FER: variants seen among roughly 807,000 people sequenced by gnomAD.
The protein encoded by FER is FER tyrosine kinase.
FER carries 63 observed loss-of-function variants against 111.0 expected under a neutral mutation model. The observed-to-expected ratio is 0.57, with a 90% confidence interval of 0.46 to 0.70. The LOEUF (loss-of-function observed/expected upper bound fraction) is 0.70, where lower values mean the gene tolerates loss of function less well. FER is among the 30% of genes least tolerant of loss of function. The pLI is 0.00. For missense variants in FER, 914 were observed against 954.0 expected (o/e 0.96, Z 0.55); for synonymous variants, 327 against 313.9 (o/e 1.04, Z -0.44).
chr5:108,868,532 A>C (rs1764299743), intron 6 of FER, among the ~76,000 whole-genome samples: 1 of 152,154 alleles, frequency 6.6e-6, no homozygotes, highest in African/African-American at 2.4e-5. Flanking sequence ...AGAAAAAATA[A>C]GTCATCCTTT....
intron 16 of FER, among the ~76,000 whole-genome samples, chr5:109,088,795 A>G (rs1267677479): frequency 6.6e-6 from 1 of 152,166 alleles, no homozygotes; most frequent in East Asian, 1.9e-4. Flanking sequence ...GTCAGCCAGT[A>G]TCATTCAAGG....
At chr5:109,117,439 C>T (rs1295716911) in intron 17 of FER, among the ~76,000 whole-genome samples, 1 of 152,024 alleles carries the variant, frequency 6.6e-6, no homozygotes, top group South Asian at 2.1e-4. Context: ...TTGTGATAAA[C>T]TCATATCATT....
chr5:108,970,453 C>G (rs1258159211), intron 13 of FER, among the ~76,000 whole-genome samples: 1 of 152,036 alleles, frequency 6.6e-6, no homozygotes, highest in African/African-American at 2.4e-5. Flanking sequence ...ATCTCCTGAC[C>G]TCATGATCCA....
chr5:108,845,016 A>ATATATACG (rs1761796247), intron 5 of FER, among the ~76,000 whole-genome samples: 3 of 52,754 alleles, frequency 5.7e-5, no homozygotes, highest in Non-Finnish European at 1.1e-4. Flanking sequence ...ATATATATAT[A>ATATATACG]TATATATATA....
chr5:108,865,422 C>G (rs942147277), intron 5 of FER, among the ~76,000 whole-genome samples: 1 of 152,062 alleles, frequency 6.6e-6, no homozygotes, highest in African/African-American at 2.4e-5. Context: ...ACACCTTATA[C>G]AAAAATTAAT....
intron 9 of FER, among the ~76,000 whole-genome samples, chr5:108,892,913 A>C (rs576789884): frequency 1.3e-5 from 2 of 152,292 alleles, no homozygotes; most frequent in African/African-American, 4.8e-5. Context: ...AGCACCATTT[A>C]TTAAATAGGG....
intron 1 of FER, among the ~76,000 whole-genome samples, chr5:108,759,420 A>G (rs767115913): frequency 2.0e-5 from 3 of 152,236 alleles, no homozygotes; most frequent in Non-Finnish European, 4.4e-5. Context: ...CAGAACTGTT[A>G]TAGCTTCTAC....
intron 16 of FER, among the ~76,000 whole-genome samples, chr5:109,048,381 T>A (rs1772294165): frequency 6.6e-6 from 1 of 152,162 alleles, no homozygotes; most frequent in Admixed American, 6.5e-5. Flanking sequence ...TAAAAATACA[T>A]ATTAACATTT....
At chr5:109,150,446 T>TC (rs1050881755) in intron 17 of FER, among the ~76,000 whole-genome samples, 1 of 152,104 alleles carries the variant, frequency 6.6e-6, no homozygotes, top group Non-Finnish European at 1.5e-5. Flanking sequence ...TTGTTTAGCT[T>TC]CCCCTTTTAT....
intron 1 of FER, among the ~76,000 whole-genome samples, chr5:108,754,406 CAAAAAAAAAAAAA>C (rs34475850): frequency 1.2e-5 from 1 of 86,536 alleles, no homozygotes; most frequent in Non-Finnish European, 2.3e-5. Flanking sequence ...GTCCCTGTCT[CAAAAAAAAAAAAA>C]AAAAAAAAAA....
chr5:108,888,049 A>G (rs1747439931), intron 9 of FER, among the ~76,000 whole-genome samples: 2 of 151,950 alleles, frequency 1.3e-5, no homozygotes, highest in Non-Finnish European at 2.9e-5. Flanking sequence ...CATTTGATTT[A>G]GCCTCACTGC....
chr5:109,151,570 A>G lies in FER; in HGVS notation c.2049-29177A>G, dbSNP rs189469213. ...AATTAGGGCATTTGCTGTAGTAGAA[A>G]TTACTGGAGAACTTGACTCCAGAAG... On this transcript the variant is annotated intron_variant, in intron 17 of 19. Transcript: ENST00000281092. 1.8e-3 allele frequency among the ~76,000 whole-genome samples: 280 copies of G among 152,254 alleles called. 1 individual carries two copies. The highest frequency in any genetic ancestry group is 3.1e-3 in the Non-Finnish European group (210 of 67,968).
At chr5:108,874,089 T>A (rs534321497) in intron 8 of FER, among the ~76,000 whole-genome samples, 54 of 152,352 alleles carry the variant, frequency 3.5e-4, no homozygotes, top group Admixed American at 6.5e-4. Context: ...TATCTAAGGT[T>A]GTAAGGGTTA....
intron 9 of FER, among the ~76,000 whole-genome samples, chr5:108,895,328 C>T (rs1748915063): frequency 6.6e-6 from 1 of 152,126 alleles, no homozygotes; most frequent in African/African-American, 2.4e-5. Flanking sequence ...GCTGCTGTAG[C>T]AAATTGCCAC....
intron 5 of FER, among the ~76,000 whole-genome samples, chr5:108,836,488 C>A (rs1372959912): frequency 6.6e-6 from 1 of 152,074 alleles, no homozygotes; most frequent in Non-Finnish European, 1.5e-5. Flanking sequence ...CTAAACCACT[C>A]ATATTTATAC....
chr5:109,003,758 T>C (rs1765133737), intron 13 of FER, among the ~76,000 whole-genome samples: 1 of 152,078 alleles, frequency 6.6e-6, no homozygotes, highest in African/African-American at 2.4e-5. Flanking sequence ...GGTGGGAGAA[T>C]TGCTTGGACC....
chr5:108,911,188 T>C (rs1416135989), intron 10 of FER, among the ~76,000 whole-genome samples: 3 of 152,198 alleles, frequency 2.0e-5, no homozygotes, highest in African/African-American at 7.2e-5. Flanking sequence ...TGATATCTCA[T>C]TGTGGTTTTA....
chr5:109,054,652 T>G (rs1260055150), intron 16 of FER, among the ~76,000 whole-genome samples: 7 of 152,092 alleles, frequency 4.6e-5, no homozygotes, highest in South Asian at 4.2e-4. Flanking sequence ...TGATGGTATA[T>G]CTAAGAAAAC....
chr5:109,087,699 G>C (rs74912996), intron 16 of FER, among the ~76,000 whole-genome samples: 4,158 of 150,564 alleles, frequency 0.028, 73 homozygotes, highest in Middle Eastern at 0.092. Flanking sequence ...TTTTTGTTTT[G>C]GTAGTGGGAG....
Sources: gnomAD v4.1 joint callset for allele counts (sites outside exome capture counted in the v4.1 genomes callset) on GRCh38, gnomAD v4.1.1 for gene constraint, MANE v1.5 for transcripts, NCBI Gene and HGNC (gene_info 2026-07-23, HGNC 2026-07-21) for gene names.